FRRS1: variants seen among roughly 807,000 people sequenced by gnomAD.
FRRS1 encodes the protein ferric reductase 1.
FRRS1 carries 51 observed loss-of-function variants against 70.7 expected under a neutral mutation model. That is an observed-to-expected ratio of 0.72 (90% CI 0.58 to 0.91). FRRS1 has a LOEUF of 0.91. Ranked by LOEUF, FRRS1 falls within the 40% of genes least tolerant of loss-of-function variation. The pLI is 0.00. For synonymous variants in FRRS1, 225 were observed against 238.7 expected, an observed-to-expected ratio of 0.94 and a Z score of 0.53; for missense variants, 672 against 726.0, an observed-to-expected ratio of 0.93 and a Z score of 0.86.
chr1:99,737,058 T>C (rs1655711075), intron 7 of FRRS1, among the ~76,000 whole-genome samples: 2 of 151,290 alleles, frequency 1.3e-5, no homozygotes, highest in South Asian at 4.2e-4. Context: ...CCTGTGCTAA[T>C]AAGGGGCTTT....
intron 10 of FRRS1, among the ~76,000 whole-genome samples, chr1:99,718,209 T>C (rs925559276): frequency 1.3e-5 from 2 of 152,222 alleles, no homozygotes; most frequent in African/African-American, 2.4e-5. Flanking sequence ...AGTAGTTTAG[T>C]ATACCCTACA....
At chr1:99,742,794 G>A (rs372342670) in intron 4 of FRRS1, among the ~76,000 whole-genome samples, 7 of 152,196 alleles carry the variant, frequency 4.6e-5, no homozygotes, top group South Asian at 2.1e-4. Flanking sequence ...TTCCTTCCAG[G>A]CTGTGTGTGG....
At chr1:99,759,102 C>G (rs1382818096) in intron 1 of FRRS1, among the ~76,000 whole-genome samples, 1 of 152,146 alleles carries the variant, frequency 6.6e-6, no homozygotes, top group Non-Finnish European at 1.5e-5. Context: ...GCCCTTTGTC[C>G]TGTTCCCTCA....
At chr1:99,760,839 G>A (rs556192884) in intron 1 of FRRS1, among the ~76,000 whole-genome samples, 7 of 151,784 alleles carry the variant, frequency 4.6e-5, no homozygotes, top group East Asian at 1.9e-4. Context: ...TGGTATAGAC[G>A]GGGGTTTCAC....
At chr1:99,737,160 G>T (rs1400405672) in intron 7 of FRRS1, among the ~76,000 whole-genome samples, 1 of 152,052 alleles carries the variant, frequency 6.6e-6, no homozygotes, top group Non-Finnish European at 1.5e-5. Context: ...CTGCTCCCTA[G>T]GAAAGCGAGA....
chr1:99,748,655 T>C lies in FRRS1; in HGVS notation c.114A>G (p.Glu38=). Reference sequence around the variant, plus strand: ...GAACAGACTGTGGACTATGACCATGTTCAGGAATCATTCCATGGCATGACT... The same window carrying C: ...GAACAGACTGTGGACTATGACCATGCTCAGGAATCATTCCATGGCATGACT... The part of the protein sequence containing the change: ...VTQSCHGMIP[E]HGHSPQSVPV... The change falls in exon 3 of 17, where the codon GAA becomes GAG. Residue 38 remains glutamate (E), a synonymous_variant. Transcript: ENST00000646001. 1 of 1,613,976 alleles carries C rather than the reference T, an allele frequency of 6.2e-7. No homozygotes were observed. Among genetic ancestry groups the C allele is most frequent in the Non-Finnish European group, 8.5e-7 (1 of 1,179,832 alleles).
At chr1:99,743,550 C>A (rs1656078483) in intron 4 of FRRS1, among the ~76,000 whole-genome samples, 2 of 152,054 alleles carry the variant, frequency 1.3e-5, no homozygotes, top group Admixed American at 1.3e-4. Flanking sequence ...TATGCACACA[C>A]CTATCACAAA....
rs1011561432 is a variant in FRRS1, at chr1:99,740,918, T to C, written c.451A>G (p.Lys151Glu). The C allele has an allele frequency of 1.2e-6, 2 of 1,611,210 alleles. No individual in the cohort carries two copies. The highest frequency in any genetic ancestry group is 1.7e-6 in the Non-Finnish European group (2 of 1,177,348). ...CCAGGAATCTTCACCCAGTAGATTTTATACTTCTCAACAACTGTGACTCTG... is the reference window on the plus strand; with the variant it reads ...CCAGGAATCTTCACCCAGTAGATTTCATACTTCTCAACAACTGTGACTCTG... ...QFLVTVVEKY[K>E]IYWVKIPGPI... is the part of the protein sequence containing the mutation. The change falls in exon 6 of 17, where the codon AAA (lysine) becomes GAA (glutamate). Residue 151 changes from lysine (K) to glutamate (E), a missense_variant. Coordinates refer to ENST00000646001, the MANE Select transcript of FRRS1 (RefSeq NM_001361041.2).
intron 6 of FRRS1, among the ~76,000 whole-genome samples, chr1:99,739,856 A>T (rs1655867008): frequency 6.7e-6 from 1 of 148,370 alleles, no homozygotes; most frequent in Admixed American, 6.8e-5. Flanking sequence ...TTGTTCTTTC[A>T]ACTGAAACAA....
At position 99,704,642 on chromosome 1, in the gene FRRS1, A is replaced by C. The variant is rs1486602496; in HGVS notation, c.*4386T>G. 3.9e-5 allele frequency among the ~76,000 whole-genome samples: 6 copies of C among 152,124 alleles called. No individual in the cohort carries two copies. The East Asian group carries it at 9.7e-4, about 25-fold the overall frequency. ...CCATCCTGTGCCTATAAAAACCTCC[A>C]AGATTCTAGCAGGCAGACACACAAG... On this transcript the variant is annotated 3_prime_UTR_variant, in exon 17 of 17. Transcript: ENST00000646001.
chr1:99,728,903 T>A (rs1386168255), intron 8 of FRRS1, among the ~76,000 whole-genome samples: 1 of 152,184 alleles, frequency 6.6e-6, no homozygotes, highest in Non-Finnish European at 1.5e-5. Flanking sequence ...TCTACCTAGG[T>A]TAGAAATTTT....
At chr1:99,713,635 A>AGTTAAGTT (rs775037467) in intron 12 of FRRS1, among the ~76,000 whole-genome samples, 3 of 152,222 alleles carry the variant, frequency 2.0e-5, no homozygotes, top group Non-Finnish European at 4.4e-5. Flanking sequence ...TAATAAAAGC[A>AGTTAAGTT]CAGGCTCTGA....
intron 9 of FRRS1, among the ~76,000 whole-genome samples, chr1:99,721,060 A>T (rs1654795009): frequency 6.6e-6 from 1 of 152,156 alleles, no homozygotes; most frequent in Non-Finnish European, 1.5e-5. Flanking sequence ...CTGATCACAC[A>T]ATGAAAGGAA....
At chr1:99,714,445 G>A (rs1181380761) in intron 12 of FRRS1, among the ~76,000 whole-genome samples, 4 of 152,162 alleles carry the variant, frequency 2.6e-5, no homozygotes, top group African/African-American at 7.2e-5. Context: ...GCCTCCCAAA[G>A]TGCTGGGATT....
At chr1:99,745,720 T>C (rs971459065) in intron 4 of FRRS1, among the ~76,000 whole-genome samples, 1 of 151,666 alleles carries the variant, frequency 6.6e-6, no homozygotes, top group African/African-American at 2.4e-5. Flanking sequence ...TTGATATAGT[T>C]TGGATATTTG....
chr1:99,740,824 G>T lies in FRRS1; in HGVS notation c.545C>A (p.Thr182Lys). ...TPKATVVPLP[T>K]LPPVSHLTKP... is the part of the protein sequence containing the mutation. ...GGTTAAGTGGGAAACGGGAGGTAACGTTGGCAAAGGTACTACTGTAGCTTT... is the reference window on the plus strand; with the variant it reads ...GGTTAAGTGGGAAACGGGAGGTAACTTTGGCAAAGGTACTACTGTAGCTTT... Residue 182 changes from threonine (T) to lysine (K), a missense_variant, in exon 6 of 17, where the codon ACG becomes AAG. Transcript: ENST00000646001. 6.2e-7 allele frequency: 1 copy of T among 1,612,514 alleles called. No homozygotes were observed. The highest frequency in any genetic ancestry group is 1.1e-5 in the South Asian group (1 of 91,060).
chr1:99,742,030 C>CT (rs1655992172), intron 5 of FRRS1, 149 bp downstream of exon 5: 2 of 530,370 alleles, frequency 3.8e-6, no homozygotes, highest in East Asian at 3.1e-5. Context: ...CTTTTTTTTC[C>CT]TTTTTTTAGA....
At chr1:99,718,699 C>T (rs150329411) in intron 10 of FRRS1, among the ~76,000 whole-genome samples, 111 of 152,190 alleles carry the variant, frequency 7.3e-4, no homozygotes, top group African/African-American at 2.5e-3. Context: ...TATATGATGC[C>T]TAAGTACAGC....
At chr1:99,758,674 G>A (rs200504308) in intron 1 of FRRS1, among the ~76,000 whole-genome samples, 6 of 152,078 alleles carry the variant, frequency 3.9e-5, no homozygotes, top group South Asian at 2.1e-4. Context: ...GATTTTTAGG[G>A]AACAAGGGAA....
Sources: gnomAD v4.1 joint callset for allele counts (sites outside exome capture counted in the v4.1 genomes callset) on GRCh38, gnomAD v4.1.1 for gene constraint, MANE v1.5 for transcripts, NCBI Gene and HGNC (gene_info 2026-07-23, HGNC 2026-07-21) for gene names.